PTRH2: variants seen among roughly 807,000 people sequenced by gnomAD.
PTRH2 encodes the protein peptidyl-tRNA hydrolase 2, mitochondrial.
PTRH2 carries 10 observed loss-of-function variants against 12.3 expected under a neutral mutation model. The ratio of observed to expected loss-of-function variants is 0.81; its 90% CI spans 0.50 to 1.38. The LOEUF is 1.38. Among genes scored for constraint, PTRH2 ranks in the 40% most tolerant of loss-of-function variants. The probability of loss-of-function intolerance (pLI) is 0.00; values close to 1 mark genes in which losing one functional copy is unlikely to be tolerated. For synonymous variants in PTRH2, 73 were observed against 77.4 expected (o/e 0.94, Z 0.30); for missense variants, 176 against 214.1 (o/e 0.82, Z 1.11).
At chr17:59,703,002 A>C (rs2033580953) in intron 1 of PTRH2, among the ~76,000 whole-genome samples, 1 of 151,950 alleles carries the variant, frequency 6.6e-6, no homozygotes, top group South Asian at 2.1e-4. Flanking sequence ...GGTGTATTAA[A>C]TTTATTTCCA....
chr17:59,698,110 A>G, intron 1 of PTRH2, 132 bp from the exon 2 acceptor site: 1 of 880,798 alleles, frequency 1.1e-6, no homozygotes, highest in East Asian at 2.7e-5. Context: ...CTTTGATCTT[A>G]TGCCTGCACC....
intron 1 of PTRH2, 47 bp from the exon 2 acceptor site, chr17:59,698,025 A>G (rs2033479873): frequency 8.3e-6 from 13 of 1,562,448 alleles, no homozygotes; most frequent in Non-Finnish European, 1.1e-5. Context: ...GTAACAACTT[A>G]CAGAGGTATA....
Position 59,697,648 on chromosome 17 carries a change from A to G in PTRH2, c.331T>C (p.Cys111Arg). ...TTGACCACCACCTTGGGCTGGCCAC[A>G]GTATTCCCATTGTTTGAGCATTTCA... ...NPEMLKQWEYCGQPKVVVKAP... is the reference protein window; with the variant it reads ...NPEMLKQWEYRGQPKVVVKAP... Residue 111 changes from cysteine to arginine, a missense_variant, in exon 2 of 2, where the codon TGT becomes CGT. Cys to Arg is a radical substitution (Grantham distance 180). Transcript: ENST00000393038. 1 of 1,614,202 alleles carries G rather than the reference A, an allele frequency of 6.2e-7. No individual in the cohort carries two copies. The highest frequency in any genetic ancestry group is 8.5e-7 in the Non-Finnish European group (1 of 1,180,032).
intron 1 of PTRH2, among the ~76,000 whole-genome samples, chr17:59,701,805 A>G (rs1222845748): frequency 6.6e-6 from 1 of 151,158 alleles, no homozygotes; most frequent in Non-Finnish European, 1.5e-5. Flanking sequence ...TCCCGGGTTC[A>G]TGCCATTCTC....
chr17:59,699,320 C>T (rs1477338122), intron 1 of PTRH2: 1 of 163,960 alleles, frequency 6.1e-6, no homozygotes, highest in East Asian at 1.8e-4. Context: ...TTTCTTCCTC[C>T]AGTGCAATCA....
intron 1 of PTRH2, among the ~76,000 whole-genome samples, chr17:59,705,909 C>CAAA (rs34174073): frequency 2.0e-5 from 2 of 100,072 alleles, no homozygotes; most frequent in Non-Finnish European, 2.1e-5. Flanking sequence ...ACCCTGTCTC[C>CAAA]AAAAAAAAAA....
chr17:59,700,211 T>C (rs975197864), intron 1 of PTRH2: 1 of 152,220 alleles, frequency 6.6e-6, no homozygotes, highest in Non-Finnish European at 1.5e-5. Context: ...CAAAGGAATG[T>C]CATCCTTTAT....
At chr17:59,703,204 T>A (rs2033584434) in intron 1 of PTRH2, among the ~76,000 whole-genome samples, 1 of 151,982 alleles carries the variant, frequency 6.6e-6, no homozygotes, top group African/African-American at 2.4e-5. Flanking sequence ...CTTTTTTTTT[T>A]AAGACACAGG....
In PTRH2 at chr17:59,697,971, G is replaced by A. The variant is rs1442105870; in HGVS notation, c.8C>T (p.Ser3Phe). MP[S>F]KSLVMEYLAH... Reference sequence around the variant, plus strand: ...CAAATATTCCATAACCAAGGATTTGGAGGGCATCTTAAAGGAAAGGAAAAC... The same window carrying A: ...CAAATATTCCATAACCAAGGATTTGAAGGGCATCTTAAAGGAAAGGAAAAC... The change falls in exon 2 of 2, where the codon TCC becomes TTC. Residue 3 changes from serine (S) to phenylalanine (F), a missense_variant. Coordinates refer to ENST00000393038, the MANE Select transcript of PTRH2 (RefSeq NM_016077.5). The A allele has an allele frequency of 3.1e-6, 5 of 1,611,292 alleles. No homozygotes were observed. Among genetic ancestry groups the A allele is most frequent in the Middle Eastern group, 1.7e-4 (1 of 6,060 alleles).
At chr17:59,700,844 AC>A (rs1258497954) in intron 1 of PTRH2, 1 of 152,248 alleles carries the variant, frequency 6.6e-6, no homozygotes, top group Non-Finnish European at 1.5e-5. Context: ...AAGTAGGTCC[AC>A]GGATTTGAAG....
At chr17:59,702,744 G>A (rs1303841575) in intron 1 of PTRH2, among the ~76,000 whole-genome samples, 1 of 152,166 alleles carries the variant, frequency 6.6e-6, no homozygotes. Flanking sequence ...GCTGGTCATG[G>A]ACTTACTGTA....
At position 59,697,784 on chromosome 17, in the gene PTRH2, G is replaced by A. The variant is rs758673450; in HGVS notation, c.195C>T (p.Tyr65=). 1.1e-5 allele frequency: 17 copies of A among 1,613,998 alleles called. No individual in the cohort carries two copies. The highest frequency in any genetic ancestry group is 1.4e-5 in the Non-Finnish European group (17 of 1,180,028). Residue 65 remains tyrosine, a synonymous_variant, in exon 2 of 2, where the codon TAC becomes TAT. Coordinates refer to ENST00000393038, the MANE Select transcript of PTRH2 (RefSeq NM_016077.5). ...CATTTCGAACCACAAGAATCATCTT[G>A]TACTCCCCGCTGTCTCCCAAGATGC... The part of the protein sequence containing the change: ...EASILGDSGE[Y]KMILVVRNDL...
chr17:59,706,075 T>C (rs967433295), intron 1 of PTRH2, among the ~76,000 whole-genome samples: 1 of 152,250 alleles, frequency 6.6e-6, no homozygotes, highest in Admixed American at 6.5e-5. Flanking sequence ...CATATTAATC[T>C]GATCAGATTA....
chr17:59,700,469 C>T (rs1457929025), intron 1 of PTRH2: 1 of 152,170 alleles, frequency 6.6e-6, no homozygotes, highest in East Asian at 1.9e-4. Flanking sequence ...ATGATTGGCA[C>T]GGCATAGATG....
chr17:59,706,868 T>C (rs778745326), intron 1 of PTRH2, among the ~76,000 whole-genome samples: 1 of 151,958 alleles, frequency 6.6e-6, no homozygotes, highest in Non-Finnish European at 1.5e-5. Context: ...AGATGGGTTT[T>C]CGCCATGTTG....
At chr17:59,698,787 G>A (rs1010286378) in intron 1 of PTRH2, 6 of 680,510 alleles carry the variant, frequency 8.8e-6, no homozygotes, top group African/African-American at 1.8e-5. Flanking sequence ...CATCTAACAC[G>A]AGGCTCTTTT....
intron 1 of PTRH2, chr17:59,700,947 T>G (rs1194370058): frequency 2.0e-5 from 3 of 152,178 alleles, no homozygotes; most frequent in Admixed American, 6.6e-5. Flanking sequence ...TGTGGCAAAA[T>G]ATGGCAGGAT....
chr17:59,705,351 A>C (rs10083882), intron 1 of PTRH2, among the ~76,000 whole-genome samples: 8,126 of 152,260 alleles, frequency 0.053, 716 homozygotes, highest in African/African-American at 0.19. Flanking sequence ...TGAACACATA[A>C]AAAGGAAGAT....
intron 1 of PTRH2, among the ~76,000 whole-genome samples, chr17:59,707,027 G>A (rs941391185): frequency 6.6e-6 from 1 of 152,158 alleles, no homozygotes; most frequent in Non-Finnish European, 1.5e-5. Context: ...GAGCTCGACA[G>A]CTCGAAACGC....
Sources: allele counts gnomAD v4.1 joint callset (sites outside exome capture counted in the v4.1 genomes callset), GRCh38; gene constraint gnomAD v4.1.1; transcripts MANE v1.5; gene names NCBI Gene and HGNC (gene_info 2026-07-23, HGNC 2026-07-21).